The following PTPRD variants were observed in gnomAD, a reference collection of about 807,000 sequenced individuals.
The protein encoded by PTPRD is receptor-type tyrosine-protein phosphatase delta.
Under a neutral mutation model 214.5 loss-of-function variants are expected in PTPRD, and 34 were observed. That is an observed-to-expected ratio of 0.16 (90% CI 0.12 to 0.21). The LOEUF is 0.21. PTPRD is among the 10% of genes least tolerant of loss of function. The pLI is 1.00. For synonymous variants in PTPRD, 1,128 were observed against 845.7 expected (o/e 1.33, Z -5.79); for missense variants, 2,545 against 2,398.7 (o/e 1.06, Z -1.27).
chr9:8,388,982 C>CTTTTTTTTTT (rs34248103), intron 37 of PTPRD, among the ~76,000 whole-genome samples: 2 of 130,054 alleles, frequency 1.5e-5, no homozygotes, highest in Non-Finnish European at 1.6e-5. Context: ...GTGAATATTC[C>CTTTTTTTTTT]TTTTTTTTTT....
At chr9:8,682,569 C>A (rs1392621378) in intron 12 of PTPRD, among the ~76,000 whole-genome samples, 1 of 152,112 alleles carries the variant, frequency 6.6e-6, no homozygotes, top group Non-Finnish European at 1.5e-5. Flanking sequence ...ATAATTAACA[C>A]CCTTTTTTCC....
chr9:8,732,214 G>A (rs1234554774), intron 12 of PTPRD, among the ~76,000 whole-genome samples: 1 of 152,132 alleles, frequency 6.6e-6, no homozygotes, highest in Non-Finnish European at 1.5e-5. Flanking sequence ...TTTCACCAGA[G>A]AATTAAGCAA....
At chr9:9,224,390 C>A (rs1262838913) in intron 9 of PTPRD, among the ~76,000 whole-genome samples, 1 of 151,954 alleles carries the variant, frequency 6.6e-6, no homozygotes, top group East Asian at 1.9e-4. Context: ...ACTTCATTTT[C>A]AACACAGTTA....
intron 8 of PTPRD, among the ~76,000 whole-genome samples, chr9:9,518,181 T>C (rs1349477787): frequency 2.6e-5 from 4 of 152,018 alleles, no homozygotes; most frequent in Admixed American, 2.0e-4. Flanking sequence ...AGGTGGTAAA[T>C]TCAGGATCAA....
chr9:8,955,773 C>T (rs1327406280), intron 11 of PTPRD, among the ~76,000 whole-genome samples: 1 of 151,764 alleles, frequency 6.6e-6, no homozygotes, highest in Admixed American at 6.6e-5. Context: ...CTTTCACACA[C>T]ATCTAACTCC....
chr9:8,484,933 C>T (rs1013887144), intron 29 of PTPRD, among the ~76,000 whole-genome samples: 11 of 152,192 alleles, frequency 7.2e-5, no homozygotes, highest in African/African-American at 2.7e-4. Context: ...ATGTAAATTT[C>T]ATTCTCTGGC....
chr9:9,030,590 G>C (rs1441041806), intron 10 of PTPRD, among the ~76,000 whole-genome samples: 1 of 151,740 alleles, frequency 6.6e-6, no homozygotes, highest in Non-Finnish European at 1.5e-5. Context: ...GAAAGATTTA[G>C]GGCTAAGGTT....
intron 10 of PTPRD, among the ~76,000 whole-genome samples, chr9:9,084,812 T>A (rs1246487778): frequency 6.6e-6 from 1 of 152,150 alleles, no homozygotes; most frequent in Non-Finnish European, 1.5e-5. Flanking sequence ...TGATCTCTCA[T>A]CAAAAGAGCC....
chr9:10,036,883 T>C (rs985702260), intron 3 of PTPRD, among the ~76,000 whole-genome samples: 2 of 135,910 alleles, frequency 1.5e-5, no homozygotes, highest in African/African-American at 7.2e-5. Context: ...TTTTATTATT[T>C]ATTTATTTAT....
intron 36 of PTPRD, among the ~76,000 whole-genome samples, chr9:8,395,912 C>A (rs932592076): frequency 6.6e-6 from 1 of 152,014 alleles, no homozygotes; most frequent in Non-Finnish European, 1.5e-5. Flanking sequence ...GATAGAGGGG[C>A]GTGCTTTTTG....
intron 2 of PTPRD, among the ~76,000 whole-genome samples, chr9:10,606,638 T>G (rs2079476370): frequency 6.6e-6 from 1 of 151,800 alleles, no homozygotes; most frequent in East Asian, 1.9e-4. Context: ...AAGCTATATC[T>G]AGGCCTTTAT....
chr9:9,897,260 A>C (rs1352788353), intron 5 of PTPRD, among the ~76,000 whole-genome samples: 1 of 152,068 alleles, frequency 6.6e-6, no homozygotes, highest in African/African-American at 2.4e-5. Context: ...GTTTTCAAGC[A>C]AACAGTCCAC....
At position 8,743,719 on chromosome 9, in the gene PTPRD, T is replaced by A. The variant is rs542340315; in HGVS notation, c.-103-9773A>T. On this transcript the variant is annotated intron_variant, in intron 11 of 45. Coordinates refer to ENST00000381196, the MANE Select transcript of PTPRD (RefSeq NM_002839.4). ...AAAGACTTCATGACCAAGAACCCAA[T>A]AGCAAATGCAACAAAAACAAACATT... is the stretch of plus-strand genomic sequence containing the variant. 9.0e-4 allele frequency among the ~76,000 whole-genome samples: 136 copies of A among 151,634 alleles called. 2 individuals are homozygous for A. The highest frequency in any genetic ancestry group is 3.1e-3 in the African/African-American group (129 of 41,380).
chr9:9,442,143 C>CT (rs1555409241), intron 8 of PTPRD: 1 of 152,216 alleles, frequency 6.6e-6, no homozygotes, highest in Non-Finnish European at 1.5e-5. Context: ...GAGTTCTGGG[C>CT]TGTAGTGCGC....
chr9:8,393,145 T>G (rs1002452394), intron 36 of PTPRD, among the ~76,000 whole-genome samples: 2 of 152,178 alleles, frequency 1.3e-5, no homozygotes, highest in Non-Finnish European at 2.9e-5. Context: ...GGGGGGTGAC[T>G]TTCTCTAAGT....
At chr9:9,279,418 G>C (rs1171365124) in intron 9 of PTPRD, among the ~76,000 whole-genome samples, 1 of 149,206 alleles carries the variant, frequency 6.7e-6, no homozygotes, top group Non-Finnish European at 1.5e-5. Context: ...AATGCATTCG[G>C]TGCTACTGGT....
At chr9:9,837,679 C>G (rs1461843326) in intron 5 of PTPRD, among the ~76,000 whole-genome samples, 1 of 152,050 alleles carries the variant, frequency 6.6e-6, no homozygotes, top group East Asian at 1.9e-4. Flanking sequence ...AGGGGAGTGG[C>G]TGTAATAACA....
intron 7 of PTPRD, among the ~76,000 whole-genome samples, chr9:9,669,351 T>C (rs2096782394): frequency 6.6e-6 from 1 of 152,154 alleles, no homozygotes; most frequent in African/African-American, 2.4e-5. Flanking sequence ...GGTATGGAAT[T>C]AGTTCTGGAC....
At chr9:9,777,416 T>C (rs1226679859) in intron 5 of PTPRD, among the ~76,000 whole-genome samples, 1 of 151,994 alleles carries the variant, frequency 6.6e-6, no homozygotes, top group Admixed American at 6.6e-5. Context: ...TAATTCCAGC[T>C]AGGTGTGGTG....
Sources: gnomAD v4.1 joint callset for allele counts (sites outside exome capture counted in the v4.1 genomes callset) on GRCh38, gnomAD v4.1.1 for gene constraint, MANE v1.5 for transcripts, NCBI Gene and HGNC (gene_info 2026-07-23, HGNC 2026-07-21) for gene names.